PYROXD2: variants seen among roughly 807,000 people sequenced by gnomAD.
The protein encoded by PYROXD2 is pyridine nucleotide-disulphide oxidoreductase domain 2.
PYROXD2 carries 69 observed loss-of-function variants against 71.1 expected under a neutral mutation model. That is an observed-to-expected ratio of 0.97 (90% confidence interval 0.80 to 1.19). The LOEUF (loss-of-function observed/expected upper bound fraction) is 1.19, where lower values mean the gene tolerates loss of function less well. Ranked by LOEUF, PYROXD2 falls within the 50% of genes most tolerant of loss-of-function variation. The pLI is 0.00. For missense variants in PYROXD2, 745 were observed against 748.9 expected (o/e 0.99, Z 0.06); for synonymous variants, 287 against 302.7 (o/e 0.95, Z 0.54).
chr10:98,395,120 C>T lies in PYROXD2; in HGVS notation c.785+76G>A, dbSNP rs1192900498. On this transcript the variant is annotated intron_variant, in intron 8 of 15. Coordinates refer to ENST00000370575, the MANE Select transcript of PYROXD2 (RefSeq NM_032709.3). ...TGTTAAGTGGCAGCTGTTGTTGCTG[C>T]CACTGCCACTGTTGTCCTCACTCCT... The T allele has an allele frequency of 6.3e-6, 8 of 1,267,100 alleles. No homozygotes were observed. In the East Asian group the frequency reaches 6.9e-5, roughly 11 times the overall value. 78.5% of individuals were successfully genotyped at this position (1,267,100 alleles called of 1,614,324 possible).
At chr10:98,401,024 C>T (rs1448302542) in intron 4 of PYROXD2, among the ~76,000 whole-genome samples, 1 of 151,970 alleles carries the variant, frequency 6.6e-6, no homozygotes, top group Non-Finnish European at 1.5e-5. Context: ...GAGTCCAAGG[C>T]GGGCAGATCA....
intron 4 of PYROXD2, among the ~76,000 whole-genome samples, chr10:98,404,334 A>G (rs1482698201): frequency 2.6e-5 from 4 of 152,198 alleles, no homozygotes; most frequent in African/African-American, 4.8e-5. Context: ...TTCTTCTACC[A>G]TGGAGCTGTG....
At position 98,391,045 on chromosome 10, in the gene PYROXD2, TGA is replaced by T. The variant is rs1253777680; in HGVS notation, c.1098_1099del (p.Gln367AlafsTer44). On this transcript the variant is annotated frameshift_variant, in exon 11 of 16. Coordinates refer to ENST00000370575, the MANE Select transcript of PYROXD2 (RefSeq NM_032709.3). LOFTEE classifies it high-confidence loss of function. ...GGTGACAGGCGACCGGGTGTCCAGC[TGA>T]GAGATTCTCTCCAGGAACTCCTCAG... 6.2e-7 allele frequency: 1 copy of T among 1,613,492 alleles called. No individual in the cohort carries two copies. Among genetic ancestry groups the T allele is most frequent in the Non-Finnish European group, 8.5e-7 (1 of 1,179,562 alleles).
At chr10:98,400,436 T>A (rs1435351183) in intron 4 of PYROXD2, among the ~76,000 whole-genome samples, 179 bp from the exon 5 acceptor site, 1 of 152,152 alleles carries the variant, frequency 6.6e-6, no homozygotes, top group Non-Finnish European at 1.5e-5. Flanking sequence ...CCAAGTACCC[T>A]ATGGTAGACG....
chr10:98,393,003 G>C lies in PYROXD2; in HGVS notation c.866C>G (p.Ala289Gly), dbSNP rs1224528888. 2.5e-6 allele frequency: 4 copies of C among 1,613,218 alleles called. No individual in the cohort carries two copies. The Admixed American group carries it at 6.7e-5, about 27-fold the overall frequency. Residue 289 changes from alanine (A) to glycine (G), a missense_variant, in exon 9 of 16, where the codon GCC (alanine) becomes GGC (glycine). Physicochemically the swap from Ala to Gly is moderately conservative, Grantham distance 60 (BLOSUM62 0). Transcript: ENST00000370575. ...AWGYVQGGMG[A>G]LSDAIASSAT... Reference sequence around the variant, plus strand: ...TGAGCTTGCGATCGCATCAGAGAGGGCACCCATGCCCCCCTGGACGTAGCC... The same window carrying C: ...TGAGCTTGCGATCGCATCAGAGAGGCCACCCATGCCCCCCTGGACGTAGCC...
At chr10:98,410,781 C>T (rs1843757542) in intron 2 of PYROXD2, 158 bp downstream of exon 2, 4 of 1,080,454 alleles carry the variant, frequency 3.7e-6, no homozygotes, top group Non-Finnish European at 5.3e-6. Context: ...TTCGACCCAG[C>T]CCCCAGTCAG....
intron 1 of PYROXD2, 141 bp downstream of exon 1, chr10:98,414,868 T>C: frequency 3.1e-6 from 4 of 1,292,950 alleles, no homozygotes; most frequent in Non-Finnish European, 4.2e-6. Flanking sequence ...TTGCAGCCCC[T>C]GCTAGCGTAT....
At chr10:98,406,279 A>C (rs1196068774) in intron 4 of PYROXD2, among the ~76,000 whole-genome samples, 1 of 152,234 alleles carries the variant, frequency 6.6e-6, no homozygotes, top group African/African-American at 2.4e-5. Flanking sequence ...AAAGAGAATA[A>C]TCAAGTGAAA....
intron 8 of PYROXD2, among the ~76,000 whole-genome samples, chr10:98,393,841 C>T (rs1311686976): frequency 6.6e-6 from 1 of 152,134 alleles, no homozygotes; most frequent in Non-Finnish European, 1.5e-5. Flanking sequence ...ATCCCTCATC[C>T]TGTCCCCCTA....
intron 5 of PYROXD2, 117 bp downstream of exon 5, chr10:98,399,985 T>C: frequency 7.9e-7 from 1 of 1,272,576 alleles, no homozygotes; most frequent in South Asian, 1.7e-5. Context: ...CCTAGGAACG[T>C]GGGGTGGCCT....
At chr10:98,398,192 T>C (rs79335975) in intron 5 of PYROXD2, among the ~76,000 whole-genome samples, 2,598 of 152,226 alleles carry the variant, frequency 0.017, 83 homozygotes, top group African/African-American at 0.059. Flanking sequence ...TGTCCTTCTG[T>C]CCTTTCCTAT....
At position 98,390,702 on chromosome 10, in the gene PYROXD2, G is replaced by A. The variant is rs749953655; in HGVS notation, c.1188C>T (p.Gly396=). The stretch of plus-strand genomic sequence containing the variant: ...AGCATTGGTGATGGGGCAGCGGCTG[G>A]CCCCTGGGAGCATTGGGGGCCGCCA... ...SFLAAPNAPR[G]QPLPHHQCSI... The change falls in exon 12 of 16, where the codon GGC becomes GGT. Residue 396 remains glycine, a synonymous_variant. Transcript: ENST00000370575. 4 of 1,611,426 alleles carry A rather than the reference G, an allele frequency of 2.5e-6. No homozygotes were observed. In the African/African-American group the frequency reaches 4.0e-5, roughly 16 times the overall value.
rs369487361 is a variant in PYROXD2 at position 98,385,026 on chromosome 10, G to A, written c.1596C>T (p.Phe532=). Residue 532 remains phenylalanine, a synonymous_variant, in exon 15 of 16, where the codon TTC becomes TTT. Transcript: ENST00000370575. ...CAGAATGCAGGGGCACGGGGCGGGC[G>A]AAGTAGAGCTGGTCCAGGGACATGG... The part of the protein sequence containing the change: ...HCAMSLDQLY[F]ARPVPLHSGY... The A allele has an allele frequency of 8.1e-6, 13 of 1,613,772 alleles. No homozygotes were observed. Among genetic ancestry groups the A allele is most frequent in the African/African-American group, 2.7e-5 (2 of 74,926 alleles).
Position 98,392,549 on chromosome 10 carries a change from C to A in PYROXD2, c.945G>T (p.Gln315His), listed in dbSNP as rs143172754. ...CTTGAACACAGCCTTCACTGTTCAC[C>A]TGCACCTTCGCCACTGTCTAGAGCC... ...IFTEKTVAKV[Q>H]VNSEGCVQGV... Residue 315 changes from glutamine (Q) to histidine (H), a missense_variant, in exon 10 of 16, where the codon CAG (glutamine) becomes CAT (histidine). Transcript: ENST00000370575. 3.8e-4 allele frequency: 620 copies of A among 1,612,328 alleles called. 3 individuals are homozygous for A. The African/African-American group carries it at 6.5e-3, about 17-fold the overall frequency.
chr10:98,388,548 C>T, intron 12 of PYROXD2, 40 bp from the exon 13 acceptor site: 2 of 1,512,754 alleles, frequency 1.3e-6, no homozygotes, highest in Non-Finnish European at 1.8e-6. Context: ...TAAAGAGCAG[C>T]AGTGCGGAGG....
chr10:98,390,020 C>T (rs1842893296), intron 12 of PYROXD2, among the ~76,000 whole-genome samples: 1 of 152,146 alleles, frequency 6.6e-6, no homozygotes, highest in Non-Finnish European at 1.5e-5. Context: ...CAGTTTCATG[C>T]CCCTGCCCCG....
At position 98,391,012 on chromosome 10, in the gene PYROXD2, T is replaced by C. The variant is rs372754247; in HGVS notation, c.1133A>G (p.Asn378Ser). Residue 378 changes from asparagine (N) to serine (S), a missense_variant and splice_region_variant, in exon 11 of 16, where the codon AAT becomes AGT. Transcript: ENST00000370575. Reference sequence around the variant, plus strand: ...CTGCAATGTGGTGTGCCTCTTACCATTGATCTTGGTGACAGGCGACCGGGT... The same window carrying C: ...CTGCAATGTGGTGTGCCTCTTACCACTGATCTTGGTGACAGGCGACCGGGT... ...LDTRSPVTKINVAVDRLPSFL... is the reference protein window; with the variant it reads ...LDTRSPVTKISVAVDRLPSFL... 38 of 1,608,922 alleles carry C rather than the reference T, an allele frequency of 2.4e-5. No individual in the cohort carries two copies. In the African/African-American group the frequency reaches 4.5e-4, roughly 19 times the overall value.
chr10:98,395,810 C>T (rs1418073015), intron 6 of PYROXD2, among the ~76,000 whole-genome samples: 1 of 152,106 alleles, frequency 6.6e-6, no homozygotes, highest in Admixed American at 6.5e-5. Flanking sequence ...TAAACTTGTA[C>T]CTTATTCCCT....
intron 4 of PYROXD2, among the ~76,000 whole-genome samples, chr10:98,402,000 T>A (rs1348986549): frequency 6.6e-6 from 1 of 152,250 alleles, no homozygotes; most frequent in Non-Finnish European, 1.5e-5. Flanking sequence ...AAGTATTATG[T>A]ACTGTATATA....
Sources: gnomAD v4.1 joint callset for allele counts (sites outside exome capture counted in the v4.1 genomes callset) on GRCh38, gnomAD v4.1.1 for gene constraint, MANE v1.5 for transcripts, NCBI Gene and HGNC (gene_info 2026-07-23, HGNC 2026-07-21) for gene names.